Variants in NEK11 observed in about 807,000 individuals in gnomAD.
NEK11 encodes the protein NIMA related kinase 11, also known as serine/threonine-protein kinase Nek11.
A neutral mutation model predicts 80.7 loss-of-function variants in NEK11; 72 were observed. The ratio of observed to expected loss-of-function variants is 0.89; its 90% CI spans 0.74 to 1.08. NEK11 has a LOEUF of 1.08. NEK11 is among the 50% of genes least tolerant of loss of function. NEK11 has a pLI of 0.00. For missense variants in NEK11, 764 were observed against 763.6 expected (o/e 1.00, Z -0.01); for synonymous variants, 251 against 260.7 (o/e 0.96, Z 0.36).
intron 17 of NEK11, among the ~76,000 whole-genome samples, chr3:131,300,052 C>T (rs1031992813): frequency 1.3e-5 from 2 of 152,134 alleles, no homozygotes; most frequent in African/African-American, 4.8e-5. Flanking sequence ...TATTTTCTGA[C>T]TTTTTAATAA....
intron 14 of NEK11, among the ~76,000 whole-genome samples, chr3:131,186,289 T>G (rs2093597209): frequency 6.6e-6 from 1 of 152,220 alleles, no homozygotes; most frequent in Admixed American, 6.5e-5. Flanking sequence ...AAATATAAAA[T>G]CACTTTGGCT....
At chr3:131,165,385 CA>C in intron 11 of NEK11, 40 bp from the exon 12 acceptor site, 1 of 1,221,166 alleles carries the variant, frequency 8.2e-7, no homozygotes, top group South Asian at 1.2e-5. Flanking sequence ...ATGGTTTTAG[CA>C]ATTCGCAGTT....
chr3:131,292,569 G>A (rs528609056), intron 17 of NEK11, among the ~76,000 whole-genome samples: 1 of 150,702 alleles, frequency 6.6e-6, no homozygotes, highest in Non-Finnish European at 1.5e-5. Context: ...AGGCTGGAGT[G>A]CAGTGGTGTG....
intron 3 of NEK11, among the ~76,000 whole-genome samples, chr3:131,069,655 T>G (rs4309697): frequency 0.43 from 64,570 of 150,848 alleles, 16,311 homozygotes; most frequent in Middle Eastern, 0.66. Context: ...CCATAAAAAA[T>G]GATGAGTTCA....
chr3:131,172,510 A>C (rs1284112209), intron 14 of NEK11, among the ~76,000 whole-genome samples: 1 of 152,240 alleles, frequency 6.6e-6, no homozygotes, highest in Non-Finnish European at 1.5e-5. Context: ...AAATGGTGCT[A>C]TGGAAGCCAT....
chr3:131,214,230 T>C (rs1442385334), intron 14 of NEK11, among the ~76,000 whole-genome samples: 10 of 152,242 alleles, frequency 6.6e-5, no homozygotes, highest in Admixed American at 6.5e-4. Flanking sequence ...TTTGTAAGTC[T>C]TAATGCAGAA....
intron 5 of NEK11, 28 bp downstream of exon 5, chr3:131,109,949 T>A (rs753943667): frequency 3.2e-6 from 5 of 1,562,402 alleles, no homozygotes; most frequent in Non-Finnish European, 4.3e-6. Context: ...TGGGGGAGCA[T>A]GATATATTTT....
chr3:131,313,571 T>C (rs1019323499), intron 17 of NEK11, among the ~76,000 whole-genome samples: 3 of 152,220 alleles, frequency 2.0e-5, no homozygotes, highest in African/African-American at 7.2e-5. Flanking sequence ...TAATGATCCA[T>C]GATCTTGAGT....
intron 14 of NEK11, among the ~76,000 whole-genome samples, chr3:131,196,975 A>G (rs2094041993): frequency 1.3e-5 from 2 of 152,112 alleles, no homozygotes; most frequent in Non-Finnish European, 2.9e-5. Flanking sequence ...TTATAACCCA[A>G]TCATTGTCCC....
intron 17 of NEK11, among the ~76,000 whole-genome samples, chr3:131,297,675 C>A (rs2096611311): frequency 6.6e-6 from 1 of 151,912 alleles, no homozygotes; most frequent in Non-Finnish European, 1.5e-5. Flanking sequence ...TAATGAGATC[C>A]CATTTGTCAA....
intron 5 of NEK11, among the ~76,000 whole-genome samples, chr3:131,111,677 G>A (rs138801891): frequency 2.6e-5 from 4 of 152,178 alleles, no homozygotes; most frequent in African/African-American, 7.2e-5. Context: ...TCATCTATTA[G>A]ATTGGTGCAA....
intron 3 of NEK11, among the ~76,000 whole-genome samples, chr3:131,055,774 A>G (rs2069354657): frequency 1.3e-5 from 2 of 152,222 alleles, no homozygotes; most frequent in African/African-American, 4.8e-5. Context: ...AAAGAGGATA[A>G]GGAGTGTTGA....
At chr3:131,198,490 T>C (rs2094111216) in intron 14 of NEK11, among the ~76,000 whole-genome samples, 1 of 152,344 alleles carries the variant, frequency 6.6e-6, no homozygotes, top group South Asian at 2.1e-4. Flanking sequence ...CAAGTCTCCT[T>C]TAGCAGTGAG....
chr3:131,119,154 A>T (rs1375171272), intron 5 of NEK11, among the ~76,000 whole-genome samples: 1 of 152,178 alleles, frequency 6.6e-6, no homozygotes, highest in East Asian at 1.9e-4. Context: ...TGTCCCAGAG[A>T]TTCTGGTATG....
chr3:131,261,342 A>G (rs1561253539), intron 16 of NEK11, among the ~76,000 whole-genome samples: 2 of 152,324 alleles, frequency 1.3e-5, no homozygotes, highest in African/African-American at 4.8e-5. Context: ...TCATCATTCT[A>G]TATTTCACAG....
At chr3:131,304,924 A>G (rs1470869559) in intron 17 of NEK11, among the ~76,000 whole-genome samples, 2 of 151,884 alleles carry the variant, frequency 1.3e-5, no homozygotes, top group Non-Finnish European at 2.9e-5. Context: ...GAATGGAGTG[A>G]TGGCATTCCT....
intron 17 of NEK11, among the ~76,000 whole-genome samples, chr3:131,316,454 G>T (rs1030552178): frequency 5.9e-5 from 9 of 152,220 alleles, no homozygotes; most frequent in African/African-American, 2.2e-4. Context: ...GCATGACACA[G>T]AAGGTACATT....
At chr3:131,133,161 G>T (rs934784098) in intron 6 of NEK11, 5 of 429,122 alleles carry the variant, frequency 1.2e-5, no homozygotes, top group Admixed American at 2.8e-5. Flanking sequence ...GTTACTACAG[G>T]TTTCTCATTT....
intron 3 of NEK11, among the ~76,000 whole-genome samples, chr3:131,066,856 AAAG>A (rs1166075891): frequency 6.8e-6 from 1 of 147,722 alleles, no homozygotes; most frequent in African/African-American, 2.4e-5. Flanking sequence ...AAAAAAAAAA[AAAG>A]AAAAGAAAAA....
Sources: gnomAD v4.1 joint callset for allele counts (sites outside exome capture counted in the v4.1 genomes callset) on GRCh38, gnomAD v4.1.1 for gene constraint, MANE v1.5 for transcripts, NCBI Gene and HGNC (gene_info 2026-07-23, HGNC 2026-07-21) for gene names.